ARID1A: variants seen among roughly 807,000 people sequenced by gnomAD.
ARID1A encodes AT-rich interactive domain-containing protein 1A.
ARID1A carries 20 observed loss-of-function variants against 212.6 expected under a neutral mutation model. That is an observed-to-expected ratio of 0.09 (90% CI 0.07 to 0.14). ARID1A has a LOEUF of 0.14. ARID1A is among the 10% of genes least tolerant of loss of function. The pLI is 1.00. For missense variants in ARID1A, 2,587 were observed against 3,059.0 expected (o/e 0.85, Z 3.64); for synonymous variants, 1,376 against 1,222.1 (o/e 1.13, Z -2.63).
At chr1:26,717,593 C>T (rs1378556192) in intron 1 of ARID1A, among the ~76,000 whole-genome samples, 1 of 152,178 alleles carries the variant, frequency 6.6e-6, no homozygotes, top group Non-Finnish European at 1.5e-5. Flanking sequence ...AGCTCTACTG[C>T]CAGAAACTTA....
intron 12 of ARID1A, chr1:26,772,215 A>C (rs1474654389): frequency 4.6e-6 from 2 of 434,818 alleles, no homozygotes; most frequent in Non-Finnish European, 8.4e-6. Context: ...AGTGAAGAGA[A>C]ATAGCCAGGG....
chr1:26,697,442 G>A lies in ARID1A; in HGVS notation c.1039G>A (p.Ala347Thr), dbSNP rs2124744978. 7.4e-7 allele frequency: 1 copy of A among 1,356,736 alleles called. No homozygotes were observed. Among genetic ancestry groups the A allele is most frequent in the Non-Finnish European group, 9.4e-7 (1 of 1,065,586 alleles). 84.0% of individuals were successfully genotyped at this position (1,356,736 alleles called of 1,614,324 possible). A position where few individuals can be genotyped will look rare whatever the true frequency, so the allele number is the denominator to read the frequency against. ...GGCTGCGGCGGCGGCAGCTGCGGCG[G>A]CGGCCGCCTCGGGAGGGGCCCAACA... ...WGAAAAAAAA[A>T]AASGGAQQRS... The change falls in exon 1 of 20, where the codon GCG becomes ACG. Residue 347 changes from alanine to threonine, a missense_variant. By Grantham distance (58) the Ala-to-Thr change is moderately conservative (BLOSUM62 0). This residue lies in a region of ARID1A where 735 missense variants were observed against 590.6 expected (regional missense o/e 1.24). Transcript: ENST00000324856.
chr1:26,748,737 T>C (rs1390400818), intron 4 of ARID1A, among the ~76,000 whole-genome samples: 2 of 151,710 alleles, frequency 1.3e-5, no homozygotes, highest in Non-Finnish European at 2.9e-5. Context: ...GCAGGGTGAC[T>C]GGTCGGGCAG....
chr1:26,762,708 C>T (rs920148350), intron 7 of ARID1A, among the ~76,000 whole-genome samples: 2 of 152,168 alleles, frequency 1.3e-5, no homozygotes, highest in African/African-American at 4.8e-5. Flanking sequence ...AGTTGAGAAT[C>T]TTACACAGAG....
rs2081108639 is a variant in ARID1A, at chr1:26,773,856, C to T, written c.4059C>T (p.Pro1353=). The change falls in exon 17 of 20, where the codon CCC becomes CCT. Residue 1353 remains proline (P), a synonymous_variant. Transcript: ENST00000324856. ...CCCAAGGCACCCCTTCTGGCAGCCC[C>T]TTCCCCAGCCAGCAGACTACAATGT... The part of the protein sequence containing the change: ...FSTQGTPSGS[P]FPSQQTTMYQ... The T allele has an allele frequency of 2.4e-5, 38 of 1,614,100 alleles. No individual in the cohort carries two copies. The highest frequency in any genetic ancestry group is 3.1e-5 in the Non-Finnish European group (37 of 1,180,048).
intron 4 of ARID1A, among the ~76,000 whole-genome samples, chr1:26,743,173 A>G (rs1000166629): frequency 6.6e-6 from 1 of 152,112 alleles, no homozygotes; most frequent in Non-Finnish European, 1.5e-5. Flanking sequence ...ATACCTCTGC[A>G]ACTTCATCTC....
At position 26,780,551 on chromosome 1, in the gene ARID1A, T is replaced by C. The variant is rs2124151428; in HGVS notation, c.6653T>C (p.Met2218Thr). Residue 2218 changes from methionine to threonine, a missense_variant, in exon 20 of 20, where the codon ATG becomes ACG. This residue lies in a region of ARID1A where 24 missense variants were observed against 16.5 expected (regional missense o/e 1.46). Transcript: ENST00000324856. The surrounding 1 kb of genome is among the most constrained non-coding windows in gnomAD (Gnocchi z 7.2). ...CAGAGCCAGGCCAGCCTCCTCCACA[T>C]GCAGAACCCACCCTTTGAGCCAACT... ...FQQSQASLLH[M>T]QNPPFEPTSV... is the part of the protein sequence containing the mutation. The C allele has an allele frequency of 1.2e-6, 2 of 1,614,136 alleles. No individual in the cohort carries two copies. The highest frequency in any genetic ancestry group is 1.1e-5 in the South Asian group (1 of 91,090).
intron 6 of ARID1A, among the ~76,000 whole-genome samples, 186 bp downstream of exon 6, chr1:26,761,659 A>G (rs2080993148): frequency 1.3e-5 from 2 of 152,230 alleles, no homozygotes; most frequent in South Asian, 2.1e-4. Context: ...TGATGTTTCA[A>G]TAGAAGTAAC....
chr1:26,779,834 A>G lies in ARID1A; in HGVS notation c.5936A>G (p.Lys1979Arg), dbSNP rs1355347077. 2.5e-6 allele frequency: 4 copies of G among 1,614,120 alleles called. No individual in the cohort carries two copies. The highest frequency in any genetic ancestry group is 1.3e-5 in the African/African-American group (1 of 75,020). The part of the protein sequence containing the change: ...TLLDWQDSLA[K>R]RCVCVSNTIR... ...CTGGACTGGCAGGATTCTCTTGCCA[A>G]GCGCTGCGTCTGTGTGTCCAATACC... Residue 1979 changes from lysine to arginine, a missense_variant, in exon 20 of 20, where the codon AAG (lysine) becomes AGG (arginine). Coordinates refer to ENST00000324856, the MANE Select transcript of ARID1A (RefSeq NM_006015.6).
chr1:26,748,946 C>T (rs371786779), intron 4 of ARID1A, among the ~76,000 whole-genome samples: 2 of 151,996 alleles, frequency 1.3e-5, no homozygotes, highest in African/African-American at 2.4e-5. Context: ...AGGCAGATCA[C>T]GAGGTCAGGA....
intron 4 of ARID1A, among the ~76,000 whole-genome samples, chr1:26,744,566 T>A (rs2080819022): frequency 6.6e-6 from 1 of 152,218 alleles, no homozygotes; most frequent in Non-Finnish European, 1.5e-5. Flanking sequence ...GGGCCAAACT[T>A]GTCCTCACTT....
In ARID1A at chr1:26,775,560, A is replaced by G; in HGVS notation, c.4994-17A>G. The G allele has an allele frequency of 1.2e-6, 2 of 1,613,636 alleles. No homozygotes were observed. The highest frequency in any genetic ancestry group is 2.2e-5 in the East Asian group (1 of 44,878). On this transcript the variant is annotated splice_polypyrimidine_tract_variant and intron_variant, in intron 18 of 19. Coordinates refer to ENST00000324856, the MANE Select transcript of ARID1A (RefSeq NM_006015.6). ...AACCTGGGCTTGGTGGATAGACGAC[A>G]TGGAGGTTTATTTCAGGAACCCCGG... is the stretch of plus-strand genomic sequence containing the variant.
At position 26,779,915 on chromosome 1, in the gene ARID1A, G is replaced by A. The variant is rs2081175269; in HGVS notation, c.6017G>A (p.Gly2006Glu). ...GACTTTGAGATGTCCAAACACCCAG[G>A]GCTGCTGCTCATCCTGGGCAAGCTG... ...GNDFEMSKHP[G>E]LLLILGKLIL... is the part of the protein sequence containing the mutation. The change falls in exon 20 of 20, where the codon GGG (glycine) becomes GAG (glutamate). Residue 2006 changes from glycine (G) to glutamate (E), a missense_variant. By Grantham distance (98) the Gly-to-Glu change is moderately conservative. Around this residue, in one of 11 missense-constraint regions of ARID1A, gnomAD observed 168 missense variants for 321.0 expected, o/e 0.52. Transcript: ENST00000324856. 16 of 1,613,962 alleles carry A rather than the reference G, an allele frequency of 9.9e-6. No homozygotes were observed. The highest frequency in any genetic ancestry group is 1.1e-5 in the Non-Finnish European group (13 of 1,180,014).
chr1:26,767,959 G>A lies in ARID1A; in HGVS notation c.3158G>A (p.Arg1053His), dbSNP rs779484265. 5 of 1,613,886 alleles carry A rather than the reference G, an allele frequency of 3.1e-6. No homozygotes were observed. In the African/African-American group the frequency reaches 5.3e-5, roughly 17 times the overall value. ...GGTAGGAAACCTCTGGACCTCTATC[G>A]CCTCTATGTGTCTGTGAAGGAGATT... Reference protein sequence around the residue: ...AVGRKPLDLYRLYVSVKEIGG... With the variant: ...AVGRKPLDLYHLYVSVKEIGG... The change falls in exon 11 of 20, where the codon CGC (arginine) becomes CAC (histidine). Residue 1053 changes from arginine to histidine, a missense_variant. By Grantham distance (29) the Arg-to-His change is conservative. Coordinates refer to ENST00000324856, the MANE Select transcript of ARID1A (RefSeq NM_006015.6).
intron 4 of ARID1A, among the ~76,000 whole-genome samples, chr1:26,743,839 T>G (rs2080810999): frequency 6.6e-6 from 1 of 152,052 alleles, no homozygotes; most frequent in Non-Finnish European, 1.5e-5. Flanking sequence ...TTACACAGTT[T>G]CTGTTCCCTT....
At position 26,774,162 on chromosome 1, in the gene ARID1A, G is replaced by C; in HGVS notation, c.4102-167G>C. ...AAGCAAGGGAAGGGAAGAAAGAGTGGTGGTTGCTTTTGGAAACAACTTCAA... is the reference window on the plus strand; with the variant it reads ...AAGCAAGGGAAGGGAAGAAAGAGTGCTGGTTGCTTTTGGAAACAACTTCAA... On this transcript the variant is annotated intron_variant, in intron 17 of 19. Coordinates refer to ENST00000324856, the MANE Select transcript of ARID1A (RefSeq NM_006015.6). This position sits in a 1 kb window ranked among gnomAD's most constrained non-coding sequence, Gnocchi z 5.6. 7.6e-7 allele frequency: 1 copy of C among 1,318,318 alleles called. No individual in the cohort carries two copies. Among genetic ancestry groups the C allele is most frequent in the Non-Finnish European group, 1.0e-6 (1 of 987,646 alleles). The allele number at this position is 1,318,318 out of a possible 1,614,324, so 81.7% of individuals were successfully genotyped here. A position where few individuals can be genotyped will look rare whatever the true frequency, so the allele number is the denominator to read the frequency against.
chr1:26,706,271 C>G (rs539668910), intron 1 of ARID1A, among the ~76,000 whole-genome samples: 2 of 152,286 alleles, frequency 1.3e-5, no homozygotes, highest in African/African-American at 4.8e-5. Context: ...TCATGATTTT[C>G]CATGGCTCAT....
At chr1:26,757,236 G>C (rs2124041361) in intron 4 of ARID1A, among the ~76,000 whole-genome samples, 1 of 148,426 alleles carries the variant, frequency 6.7e-6, no homozygotes, top group South Asian at 2.1e-4. Context: ...AAAAAATGCT[G>C]AGGCGAGCGG....
chr1:26,743,705 G>A (rs1016131614), intron 4 of ARID1A, among the ~76,000 whole-genome samples: 5 of 150,402 alleles, frequency 3.3e-5, no homozygotes, highest in Non-Finnish European at 7.4e-5. Flanking sequence ...GGTGGCAGGG[G>A]CCTGTAGTCC....
Sources: allele counts gnomAD v4.1 joint callset (sites outside exome capture counted in the v4.1 genomes callset), GRCh38; gene constraint gnomAD v4.1.1; regional missense constraint gnomAD v4.1.1; non-coding constraint Gnocchi (gnomAD v3.1); transcripts MANE v1.5; gene names NCBI Gene and HGNC (gene_info 2026-07-23, HGNC 2026-07-21).